Variants in GTF2I observed in about 807,000 individuals in gnomAD.
The protein encoded by GTF2I is general transcription factor IIi.
In GTF2I, 12 loss-of-function variants were observed where a neutral mutation model predicts 67.6. The ratio of observed to expected loss-of-function variants is 0.18; its 90% CI spans 0.11 to 0.29. The LOEUF is 0.29. Ranked by LOEUF, GTF2I falls within the 10% of genes least tolerant of loss-of-function variation. The probability of loss-of-function intolerance (pLI) is 1.00; values close to 1 mark genes in which losing one functional copy is unlikely to be tolerated. For missense variants in GTF2I, 271 were observed against 580.1 expected, an observed-to-expected ratio of 0.47 and a Z score of 5.47; for synonymous variants, 149 against 197.0, an observed-to-expected ratio of 0.76 and a Z score of 2.04.
chr7:74,675,207 T>A (rs1010069868), intron 1 of GTF2I, among the ~76,000 whole-genome samples: 1 of 152,216 alleles, frequency 6.6e-6, no homozygotes, highest in Admixed American at 6.6e-5. Flanking sequence ...ATTCATGCCC[T>A]TGACCTTTTT....
chr7:74,680,702 A>G (rs587654895), intron 1 of GTF2I, among the ~76,000 whole-genome samples: 1 of 152,280 alleles, frequency 6.6e-6, no homozygotes, highest in South Asian at 2.1e-4. Flanking sequence ...TGATGGTGCC[A>G]CTGTACTCGT....
At chr7:74,724,832 A>G (rs960020116) in intron 12 of GTF2I, among the ~76,000 whole-genome samples, 1 of 152,050 alleles carries the variant, frequency 6.6e-6, no homozygotes, top group Non-Finnish European at 1.5e-5. Flanking sequence ...GAGGCAGGAG[A>G]ATTGCTTGAA....
In GTF2I at chr7:74,690,824, C is replaced by A; in HGVS notation, c.100-149C>A. 4.3e-6 allele frequency: 3 copies of A among 701,030 alleles called. No individual in the cohort carries two copies. In the South Asian group the frequency reaches 5.2e-5, roughly 12 times the overall value. 43.4% of individuals were successfully genotyped at this position (701,030 alleles called of 1,614,324 possible). ...TGTGTTTTTTTTTTCCTTATAAATT[C>A]TGTGTTGTCTTTTGTTTAAAATCAG... On this transcript the variant is annotated intron_variant, in intron 2 of 34. Transcript: ENST00000573035.
At chr7:74,714,321 A>G (rs1554403164) in intron 9 of GTF2I, among the ~76,000 whole-genome samples, 1 of 152,118 alleles carries the variant, frequency 6.6e-6, no homozygotes. Context: ...AGGGAGAATG[A>G]ATTAATAGCT....
chr7:74,705,817 G>T (rs1554401191), intron 7 of GTF2I, among the ~76,000 whole-genome samples: 1 of 151,846 alleles, frequency 6.6e-6, no homozygotes, highest in East Asian at 1.9e-4. Flanking sequence ...ACCTGCCTCG[G>T]CCTCCCAAAG....
intron 10 of GTF2I, among the ~76,000 whole-genome samples, chr7:74,715,702 A>G (rs1239064234): frequency 1.3e-5 from 2 of 152,080 alleles, no homozygotes; most frequent in Non-Finnish European, 2.9e-5. Context: ...TATTTTAAAA[A>G]TGAATTAAAG....
intron 1 of GTF2I, among the ~76,000 whole-genome samples, chr7:74,667,727 A>G (rs1805105556): frequency 6.6e-6 from 1 of 151,862 alleles, no homozygotes; most frequent in African/African-American, 2.4e-5. Context: ...TATGTTGCCC[A>G]GGCTGGTCTC....
At chr7:74,678,609 C>A (rs1554393126) in intron 1 of GTF2I, among the ~76,000 whole-genome samples, 1 of 152,026 alleles carries the variant, frequency 6.6e-6, no homozygotes, top group Non-Finnish European at 1.5e-5. Context: ...ACTGAGTCTT[C>A]AGTCTTTTAG....
chr7:74,675,418 C>CT (rs1292819886), intron 1 of GTF2I, among the ~76,000 whole-genome samples: 19 of 151,866 alleles, frequency 1.3e-4, no homozygotes, highest in Middle Eastern at 3.4e-3. Flanking sequence ...CCATGTTCTC[C>CT]TTTTTTTTAA....
intron 8 of GTF2I, among the ~76,000 whole-genome samples, chr7:74,707,273 C>T (rs1790856028): frequency 6.6e-6 from 1 of 152,254 alleles, no homozygotes; most frequent in Admixed American, 6.5e-5. Flanking sequence ...TCCCGCTGCT[C>T]GGCCCTGTGC....
intron 1 of GTF2I, among the ~76,000 whole-genome samples, chr7:74,660,884 C>T (rs1363336855): frequency 6.6e-6 from 1 of 152,134 alleles, no homozygotes; most frequent in Non-Finnish European, 1.5e-5. Context: ...GTCTTTCTCC[C>T]TCCACTTCCC....
At chr7:74,723,775 C>T (rs948976019) in intron 12 of GTF2I, among the ~76,000 whole-genome samples, 1 of 151,286 alleles carries the variant, frequency 6.6e-6, no homozygotes, top group African/African-American at 2.4e-5. Flanking sequence ...GGCAAATCCT[C>T]GGGAGTGTTT....
At chr7:74,713,542 T>C (rs1338413837) in intron 9 of GTF2I, among the ~76,000 whole-genome samples, 1 of 152,200 alleles carries the variant, frequency 6.6e-6, no homozygotes, top group Non-Finnish European at 1.5e-5. Context: ...AAAAATTGAC[T>C]GTATACTTGT....
intron 1 of GTF2I, among the ~76,000 whole-genome samples, chr7:74,670,699 C>CAAAAAAAAAAAAAAAAAA: frequency 1.1e-5 from 1 of 91,030 alleles, no homozygotes. Flanking sequence ...CAAAAAAAAA[C>CAAAAAAAAAAAAAAAAAA]AAAAAAAAAA....
intron 9 of GTF2I, among the ~76,000 whole-genome samples, chr7:74,713,441 A>G (rs1190730817): frequency 6.6e-6 from 1 of 152,232 alleles, no homozygotes; most frequent in Non-Finnish European, 1.5e-5. Flanking sequence ...TGCTAAATAG[A>G]ATATTTTCAC....
Position 74,705,177 on chromosome 7 carries a change from G to A in GTF2I, c.600G>A (p.Met200Ile). 1 of 1,603,448 alleles carries A rather than the reference G, an allele frequency of 6.2e-7. No homozygotes were observed. The highest frequency in any genetic ancestry group is 1.1e-5 in the South Asian group (1 of 90,844). ...TTTTGTATGTAGGTGGTCGTGTGAT[G>A]GTAACAGATGCTGACAGGTCAATAC... ...EPKKHVGGRV[M>I]VTDADRSILS... Residue 200 changes from methionine (M) to isoleucine (I), a missense_variant, in exon 7 of 35, where the codon ATG (methionine) becomes ATA (isoleucine). Around this residue, in one of 9 missense-constraint regions of GTF2I, gnomAD observed 124 missense variants for 147.0 expected, o/e 0.84. Coordinates refer to ENST00000573035, the MANE Select transcript of GTF2I (RefSeq NM_032999.4).
At position 74,718,922 on chromosome 7, in the gene GTF2I, A is replaced by G; in HGVS notation, c.924A>G (p.Glu308=). 1 of 1,568,540 alleles carries G rather than the reference A, an allele frequency of 6.4e-7. No homozygotes were observed. Among genetic ancestry groups the G allele is most frequent in the Non-Finnish European group, 8.7e-7 (1 of 1,150,352 alleles). Residue 308 remains glutamate (E), a synonymous_variant, in exon 12 of 35, where the codon GAA becomes GAG. Coordinates refer to ENST00000573035, the MANE Select transcript of GTF2I (RefSeq NM_032999.4). Reference sequence around the variant, plus strand: ...CTTCAGAAACAAGTGAGGACCCTGAAGTTGAGGTGACTATTGAAGGTTAGT... The same window carrying G: ...CTTCAGAAACAAGTGAGGACCCTGAGGTTGAGGTGACTATTGAAGGTTAGT... ...HVPSETSEDP[E]VEVTIEDDDY...
At chr7:74,732,147 A>G (rs1332240937) in intron 14 of GTF2I, among the ~76,000 whole-genome samples, 2 of 148,592 alleles carry the variant, frequency 1.3e-5, no homozygotes, top group Non-Finnish European at 3.0e-5. Flanking sequence ...ATATACATAT[A>G]TATATATATA....
At chr7:74,713,209 A>G (rs1554402939) in intron 9 of GTF2I, among the ~76,000 whole-genome samples, 1 of 152,230 alleles carries the variant, frequency 6.6e-6, no homozygotes, top group African/African-American at 2.4e-5. Flanking sequence ...TTGGAAGCCA[A>G]AAACAGTAGT....
Sources: gnomAD v4.1 joint callset for allele counts (sites outside exome capture counted in the v4.1 genomes callset) on GRCh38, gnomAD v4.1.1 for gene constraint, gnomAD v4.1.1 regional missense constraint, MANE v1.5 for transcripts, NCBI Gene and HGNC (gene_info 2026-07-23, HGNC 2026-07-21) for gene names.